Variants in VPS54 observed in about 807,000 individuals in gnomAD.
The protein encoded by VPS54 is vacuolar protein sorting-associated protein 54.
Under a neutral mutation model 121.5 loss-of-function variants are expected in VPS54, and 45 were observed. The ratio of observed to expected loss-of-function variants is 0.37; its 90% CI spans 0.29 to 0.47. VPS54 has a LOEUF of 0.47. VPS54 is among the 20% of genes least tolerant of loss of function. VPS54 has a pLI of 0.99. For synonymous variants in VPS54, 371 were observed against 385.8 expected (o/e 0.96, Z 0.45); for missense variants, 1,090 against 1,131.4 (o/e 0.96, Z 0.52).
intron 1 of VPS54, among the ~76,000 whole-genome samples, chr2:63,994,171 C>G (rs1008617926): frequency 3.9e-5 from 6 of 152,160 alleles, no homozygotes; most frequent in African/African-American, 1.2e-4. Flanking sequence ...CTAACCAATC[C>G]CACTTCTCCT....
Position 63,939,138 on chromosome 2 carries a change from C to T in VPS54, c.1398+3327G>A, listed in dbSNP as rs376543287. On this transcript the variant is annotated intron_variant, in intron 11 of 22. Coordinates refer to ENST00000272322, the MANE Select transcript of VPS54 (RefSeq NM_016516.3). Reference sequence around the variant, plus strand: ...TACTAAATCCCTGCACTTTTGGAGGCCAAGGTGGGTGGATCACAAGGTCAG... The same window carrying T: ...TACTAAATCCCTGCACTTTTGGAGGTCAAGGTGGGTGGATCACAAGGTCAG... Among the ~76,000 whole-genome samples, 47 of 152,182 alleles carry T rather than the reference C, an allele frequency of 3.1e-4. 2 individuals carry two copies. The highest frequency in any genetic ancestry group is 1.4e-3 in the Admixed American group (21 of 15,280).
Position 63,892,439 on chromosome 2 carries a change from A to C in VPS54, c.*991T>G, listed in dbSNP as rs1007066202. On this transcript the variant is annotated 3_prime_UTR_variant, in exon 23 of 23. Coordinates refer to ENST00000272322, the MANE Select transcript of VPS54 (RefSeq NM_016516.3). ...TTGTCACCTTATTTCTGGCCCCAAC[A>C]CAGCAGCCTATAGTTTTAAAAGTTC... 3 of 152,460 alleles carry C rather than the reference A, an allele frequency of 2.0e-5. No individual in the cohort carries two copies. Among genetic ancestry groups the C allele is most frequent in the African/African-American group, 4.8e-5 (2 of 41,418 alleles). 9.4% of individuals were successfully genotyped at this position (152,460 alleles called of 1,614,324 possible).
intron 7 of VPS54, among the ~76,000 whole-genome samples, chr2:63,949,668 G>A (rs1308181846): frequency 2.0e-5 from 3 of 152,274 alleles, no homozygotes; most frequent in Non-Finnish European, 4.4e-5. Flanking sequence ...AGGCTGAGGA[G>A]GAGGAGGGAG....
At chr2:64,006,175 C>T (rs972901537) in intron 1 of VPS54, among the ~76,000 whole-genome samples, 6 of 152,124 alleles carry the variant, frequency 3.9e-5, no homozygotes, top group Admixed American at 3.9e-4. Flanking sequence ...TCTAAGCATT[C>T]AATAAACTGC....
chr2:63,921,128 C>G, intron 13 of VPS54, 78 bp downstream of exon 13: 2 of 1,452,480 alleles, frequency 1.4e-6, no homozygotes, highest in African/African-American at 1.4e-5. Context: ...TTATGGGGAA[C>G]ACAGGAAGCA....
intron 3 of VPS54, among the ~76,000 whole-genome samples, chr2:63,974,619 G>C (rs1290757202): frequency 2.0e-5 from 3 of 152,046 alleles, no homozygotes; most frequent in African/African-American, 4.8e-5. Context: ...TCTTTCATCA[G>C]TCTTGTGGTT....
chr2:63,947,637 A>G, intron 8 of VPS54, 147 bp from the exon 9 acceptor site: 1 of 665,060 alleles, frequency 1.5e-6, no homozygotes, highest in Non-Finnish European at 2.3e-6. Context: ...AACCCCTCCC[A>G]CAGCAATCTT....
intron 7 of VPS54, among the ~76,000 whole-genome samples, chr2:63,955,361 G>A (rs1391994462): frequency 1.3e-5 from 2 of 151,780 alleles, no homozygotes; most frequent in African/African-American, 4.8e-5. Context: ...CTTTTTTAAT[G>A]CAGACTAGAG....
In VPS54 at chr2:63,923,852, T is replaced by C. The variant is rs76448916; in HGVS notation, c.1740-2517A>G. Among the ~76,000 whole-genome samples, 17 of 152,338 alleles carry C rather than the reference T, an allele frequency of 1.1e-4. 1 individual carries two copies. In the East Asian group the frequency reaches 3.1e-3, roughly 28 times the overall value. On this transcript the variant is annotated intron_variant, in intron 12 of 22. Transcript: ENST00000272322. ...CAAAGTTAGAACGTCAGACGTATTT[T>C]TGCATGTTCTATATCAGTGATTCAA...
At chr2:63,964,227 C>T (rs1014517033) in intron 6 of VPS54, among the ~76,000 whole-genome samples, 2 of 152,054 alleles carry the variant, frequency 1.3e-5, no homozygotes, top group African/African-American at 4.8e-5. Context: ...GTAAATATAG[C>T]AAATCTGATT....
chr2:63,960,094 G>C (rs988223550), intron 7 of VPS54, among the ~76,000 whole-genome samples: 3 of 151,908 alleles, frequency 2.0e-5, no homozygotes, highest in Non-Finnish European at 4.4e-5. Flanking sequence ...CTACTCAGGA[G>C]GCTGAGGTGA....
intron 21 of VPS54, among the ~76,000 whole-genome samples, chr2:63,897,839 G>A (rs1672509304): frequency 6.6e-6 from 1 of 152,068 alleles, no homozygotes; most frequent in Non-Finnish European, 1.5e-5. Context: ...GATCAACTGT[G>A]ACAGGTAAAA....
intron 22 of VPS54, among the ~76,000 whole-genome samples, chr2:63,896,577 A>C (rs1362194470): frequency 6.6e-6 from 1 of 152,216 alleles, no homozygotes; most frequent in Non-Finnish European, 1.5e-5. Flanking sequence ...ATTCAACAGA[A>C]TGAAGCTTTC....
chr2:63,946,155 GTGTC>G (rs1270170476), intron 9 of VPS54, among the ~76,000 whole-genome samples: 1 of 152,070 alleles, frequency 6.6e-6, no homozygotes, highest in Non-Finnish European at 1.5e-5. Context: ...ATACTTTTCT[GTGTC>G]TGGTTTCTTT....
chr2:63,915,285 T>C (rs1368226849), intron 16 of VPS54, among the ~76,000 whole-genome samples: 2 of 151,550 alleles, frequency 1.3e-5, no homozygotes, highest in East Asian at 1.9e-4. Flanking sequence ...GAGAAAGCCA[T>C]TCATCATAGG....
intron 3 of VPS54, among the ~76,000 whole-genome samples, chr2:63,976,350 C>CAAAAAAAAA (rs371137546): frequency 1.3e-4 from 12 of 93,866 alleles, no homozygotes; most frequent in African/African-American, 3.1e-4. Flanking sequence ...GACCTTGTCT[C>CAAAAAAAAA]AAAAAAAAAA....
intron 1 of VPS54, among the ~76,000 whole-genome samples, chr2:64,003,325 T>A (rs138694007): frequency 3.9e-5 from 6 of 152,336 alleles, no homozygotes; most frequent in African/African-American, 9.6e-5. Flanking sequence ...AATCTATAAA[T>A]AGCTCTACCT....
intron 7 of VPS54, among the ~76,000 whole-genome samples, chr2:63,955,919 T>C (rs1238764372): frequency 1.3e-5 from 2 of 152,100 alleles, no homozygotes; most frequent in Non-Finnish European, 2.9e-5. Flanking sequence ...AATAATCACA[T>C]ACAGTAATTT....
At chr2:63,898,500 T>C (rs1436447883) in intron 21 of VPS54, among the ~76,000 whole-genome samples, 1 of 151,910 alleles carries the variant, frequency 6.6e-6, no homozygotes, top group East Asian at 1.9e-4. Context: ...ACGAAGAAAA[T>C]GTTAACAGCT....
Sources: allele counts gnomAD v4.1 joint callset (sites outside exome capture counted in the v4.1 genomes callset), GRCh38; gene constraint gnomAD v4.1.1; transcripts MANE v1.5; gene names NCBI Gene and HGNC (gene_info 2026-07-23, HGNC 2026-07-21).